Variants in CCDC3 observed in about 807,000 individuals in gnomAD.
CCDC3 encodes coiled-coil domain-containing protein 3.
CCDC3 carries 24 observed loss-of-function variants against 21.4 expected under a neutral mutation model. The observed-to-expected ratio is 1.12, with a 90% CI of 0.81 to 1.58. The LOEUF is 1.58. CCDC3 is among the 40% of genes most tolerant of loss of function. The pLI is 0.00. For synonymous variants in CCDC3, 186 were observed against 166.0 expected (o/e 1.12, Z -0.93); for missense variants, 425 against 360.9 (o/e 1.18, Z -1.44).
intron 2 of CCDC3, among the ~76,000 whole-genome samples, chr10:12,939,318 T>A (rs956056157): frequency 6.6e-6 from 1 of 152,216 alleles, no homozygotes; most frequent in Non-Finnish European, 1.5e-5. Flanking sequence ...GAAGAAATCT[T>A]TCTTTATATT....
intron 2 of CCDC3, among the ~76,000 whole-genome samples, chr10:12,916,174 C>T (rs1834350044): frequency 6.6e-6 from 1 of 152,196 alleles, no homozygotes; most frequent in African/African-American, 2.4e-5. Flanking sequence ...TGGTTCACGC[C>T]TGAAGTCCCA....
intron 4 of CCDC3, among the ~76,000 whole-genome samples, chr10:13,050,125 G>C (rs949311241): frequency 3.3e-5 from 5 of 152,264 alleles, no homozygotes; most frequent in African/African-American, 1.2e-4. Flanking sequence ...TGTGAGCCCA[G>C]GTATTAACCT....
At chr10:12,908,429 G>C (rs575577950) in intron 2 of CCDC3, among the ~76,000 whole-genome samples, 10 of 152,186 alleles carry the variant, frequency 6.6e-5, no homozygotes, top group Admixed American at 3.9e-4. Flanking sequence ...GCTCAGTTAC[G>C]AGCGGTCTCC....
intron 2 of CCDC3, among the ~76,000 whole-genome samples, chr10:12,909,241 G>A (rs551112689): frequency 6.6e-6 from 1 of 152,296 alleles, no homozygotes; most frequent in East Asian, 1.9e-4. Context: ...GCTGATGCAG[G>A]CATTCCCTTG....
In CCDC3 at chr10:12,914,457, T is replaced by A. The variant is rs375678893; in HGVS notation, c.550-15778A>T. Among the ~76,000 whole-genome samples, 49 of 152,320 alleles carry A rather than the reference T, an allele frequency of 3.2e-4. 3 individuals are homozygous for A. In the South Asian group the frequency reaches 9.7e-3, roughly 30 times the overall value. ...CATTTCTGATTTTATCTTTTGTTTT[T>A]TCTTTTGAGACAGAGTCTTGCTCTG... is the stretch of plus-strand genomic sequence containing the variant. On this transcript the variant is annotated intron_variant, in intron 2 of 2. Coordinates refer to ENST00000378825, the MANE Select transcript of CCDC3 (RefSeq NM_031455.4).
intron 2 of CCDC3, among the ~76,000 whole-genome samples, chr10:12,948,924 G>T (rs58227720): frequency 6.6e-6 from 1 of 151,722 alleles, no homozygotes; most frequent in Non-Finnish European, 1.5e-5. Flanking sequence ...GTACAGACAG[G>T]GTTTTACCGT....
intron 2 of CCDC3, among the ~76,000 whole-genome samples, chr10:12,940,226 ATTGTTTTTT>A (rs1589014804): frequency 9.3e-6 from 1 of 107,002 alleles, no homozygotes; most frequent in South Asian, 4.4e-4. Flanking sequence ...AATCATTGAA[ATTGTTTTTT>A]TTTTTTTTTT....
At chr10:13,073,575 G>T (rs1018551330) in intron 4 of CCDC3, among the ~76,000 whole-genome samples, 1 of 131,622 alleles carries the variant, frequency 7.6e-6, no homozygotes, top group Non-Finnish European at 1.7e-5. Flanking sequence ...CCCCCTCCTA[G>T]GCTCAAGCAA....
chr10:13,000,823 C>A (rs1460746085), intron 1 of CCDC3, among the ~76,000 whole-genome samples: 2 of 152,136 alleles, frequency 1.3e-5, no homozygotes, highest in Non-Finnish European at 2.9e-5. Flanking sequence ...AGCCAAAATG[C>A]CAGCCACAGA....
At chr10:13,011,622 T>G (rs552962800) in intron 5 of CCDC3, among the ~76,000 whole-genome samples, 1 of 152,316 alleles carries the variant, frequency 6.6e-6, no homozygotes, top group South Asian at 2.1e-4. Context: ...AATGCTATAA[T>G]GCCCAAAGCA....
At chr10:12,916,259 C>G (rs546044565) in intron 2 of CCDC3, among the ~76,000 whole-genome samples, 1 of 152,144 alleles carries the variant, frequency 6.6e-6, no homozygotes, top group South Asian at 2.1e-4. Context: ...TGGTGAAACC[C>G]CGTCTCTACT....
intron 2 of CCDC3, among the ~76,000 whole-genome samples, chr10:12,943,557 CCCTT>C (rs1236912183): frequency 5.9e-5 from 9 of 152,216 alleles, no homozygotes; most frequent in African/African-American, 2.2e-4. Flanking sequence ...GTTCCCTCCT[CCCTT>C]TTCTTTGTCG....
At chr10:12,992,454 T>TGATGTTTTGTGGAACGTCAAGACAATCAA (rs1348489797) in intron 2 of CCDC3, among the ~76,000 whole-genome samples, 4 of 152,176 alleles carry the variant, frequency 2.6e-5, no homozygotes, top group African/African-American at 7.2e-5. Flanking sequence ...TTTATATATG[T>TGATGTTTTGTGGAACGTCAAGACAATCAA]CATGGAATAC....
intron 3 of CCDC3, among the ~76,000 whole-genome samples, chr10:13,091,162 G>C (rs1832561304): frequency 6.6e-6 from 1 of 152,296 alleles, no homozygotes; most frequent in African/African-American, 2.4e-5. Context: ...CCCAGATTGA[G>C]GGTGGGCCTG....
chr10:12,973,663 G>C (rs1310717471), intron 2 of CCDC3, among the ~76,000 whole-genome samples: 2 of 152,158 alleles, frequency 1.3e-5, no homozygotes, highest in African/African-American at 4.8e-5. Flanking sequence ...ACTTCTACTG[G>C]ACTTGGGCTT....
chr10:12,922,437 C>G (rs1834467305), intron 2 of CCDC3, among the ~76,000 whole-genome samples: 1 of 152,174 alleles, frequency 6.6e-6, no homozygotes, highest in Non-Finnish European at 1.5e-5. Context: ...GCACCTCCCT[C>G]AGCAGTTGAC....
chr10:13,074,754 G>A (rs538511111), intron 3 of CCDC3, among the ~76,000 whole-genome samples: 41 of 152,194 alleles, frequency 2.7e-4, no homozygotes, highest in African/African-American at 9.6e-4. Context: ...GCAAGTCTGG[G>A]TGCTGTTTTA....
At chr10:13,043,322 T>A (rs781603455) in intron 5 of CCDC3, among the ~76,000 whole-genome samples, 27 of 152,284 alleles carry the variant, frequency 1.8e-4, no homozygotes, top group Middle Eastern at 6.8e-3. Flanking sequence ...CTGGGCATGG[T>A]GGCTCACGCC....
At chr10:13,005,043 C>G (rs1835910249), upstream of CCDC3, among the ~76,000 whole-genome samples, 1 of 152,196 alleles carries the variant, frequency 6.6e-6, no homozygotes, top group African/African-American at 2.4e-5. Context: ...CCCTAACCAT[C>G]AACCAAACCA....
Sources: gnomAD v4.1 joint callset for allele counts (sites outside exome capture counted in the v4.1 genomes callset) on GRCh38, gnomAD v4.1.1 for gene constraint, MANE v1.5 for transcripts, NCBI Gene and HGNC (gene_info 2026-07-23, HGNC 2026-07-21) for gene names.